The following NIPSNAP3A variants were observed in gnomAD, a reference collection of about 807,000 sequenced individuals.
NIPSNAP3A encodes protein NipSnap homolog 3A.
Under a neutral mutation model 32.3 loss-of-function variants are expected in NIPSNAP3A, and 27 were observed. The ratio of observed to expected loss-of-function variants is 0.84; its 90% CI spans 0.62 to 1.15. NIPSNAP3A has a LOEUF of 1.15. NIPSNAP3A is among the 50% of genes most tolerant of loss of function. NIPSNAP3A has a pLI of 0.00. For missense variants in NIPSNAP3A, 278 were observed against 297.2 expected, an observed-to-expected ratio of 0.94 and a Z score of 0.48; for synonymous variants, 108 against 107.3, an observed-to-expected ratio of 1.01 and a Z score of -0.04.
At chr9:104,751,277 GATAC>G in intron 2 of NIPSNAP3A, 111 bp downstream of exon 2, 1 of 965,398 alleles carries the variant, frequency 1.0e-6, no homozygotes, top group Non-Finnish European at 1.7e-6. Flanking sequence ...TATTATTTTA[GATAC>G]ATACAGGTTA....
chr9:104,754,370 G>T, intron 3 of NIPSNAP3A, 181 bp from the exon 4 acceptor site: 1 of 570,406 alleles, frequency 1.8e-6, no homozygotes, highest in South Asian at 2.3e-5. Flanking sequence ...CTTAAACATG[G>T]GCAAGGACTT....
chr9:104,759,517 T>C lies in NIPSNAP3A; in HGVS notation c.*179T>C, dbSNP rs1162555884. ...TGTAAGTACCACTTCAAAAAATAGT[T>C]CTGTTTACTTTCTGCATGGTATTTC... On this transcript the variant is annotated 3_prime_UTR_variant, in exon 6 of 6. Transcript: ENST00000374767. 1.3e-5 allele frequency: 8 copies of C among 613,148 alleles called. No individual in the cohort carries two copies. Among genetic ancestry groups the C allele is most frequent in the Non-Finnish European group, 2.9e-6 (1 of 350,764 alleles). The allele number at this position is 613,148 out of a possible 1,614,324, so 38.0% of individuals were successfully genotyped here. A position where few individuals can be genotyped will look rare whatever the true frequency, so the allele number is the denominator to read the frequency against.
rs1827789595 is a variant in NIPSNAP3A, at chr9:104,747,736, C to T, written c.-57C>T. On this transcript the variant is annotated 5_prime_UTR_variant, in exon 1 of 6. Transcript: ENST00000374767. ...CGCTCCTTTCCACTCGGGAAACCTT[C>T]AGAGGAGTCTCAGAAAGGACACGGC... The T allele has an allele frequency of 6.5e-7, 1 of 1,533,912 alleles. No individual in the cohort carries two copies. Among genetic ancestry groups the T allele is most frequent in the South Asian group, 1.2e-5 (1 of 85,624 alleles).
At chr9:104,754,529 A>G in intron 3 of NIPSNAP3A, 22 bp from the exon 4 acceptor site, 1 of 1,611,586 alleles carries the variant, frequency 6.2e-7, no homozygotes, top group Non-Finnish European at 8.5e-7. Context: ...TTTCTGAAAA[A>G]TTCTTTTTCT....
chr9:104,758,688 G>A (rs1240922866), intron 4 of NIPSNAP3A, among the ~76,000 whole-genome samples: 9 of 151,680 alleles, frequency 5.9e-5, no homozygotes, highest in African/African-American at 1.2e-4. Context: ...GGCCAAGCGC[G>A]GTGGCTCACG....
In NIPSNAP3A at chr9:104,759,446, GT is replaced by G; in HGVS notation, c.*110del. On this transcript the variant is annotated 3_prime_UTR_variant, in exon 6 of 6. Transcript: ENST00000374767. ...CACTTTTATTTGAAGGAGGTGTTAAGTTAATTTGCTATGTTTCTTGCATTAT... is the reference window on the plus strand; with the variant it reads ...CACTTTTATTTGAAGGAGGTGTTAAGTAATTTGCTATGTTTCTTGCATTAT... 1 of 1,038,690 alleles carries G rather than the reference GT, an allele frequency of 9.6e-7. No homozygotes were observed. The highest frequency in any genetic ancestry group is 2.5e-5 in the East Asian group (1 of 39,298). 64.3% of individuals were successfully genotyped at this position (1,038,690 alleles called of 1,614,324 possible).
intron 4 of NIPSNAP3A, among the ~76,000 whole-genome samples, chr9:104,758,401 A>G (rs1281616294): frequency 6.6e-6 from 1 of 152,194 alleles, no homozygotes; most frequent in Non-Finnish European, 1.5e-5. Context: ...TAAAATTTTA[A>G]TAATAAGCAC....
intron 1 of NIPSNAP3A, among the ~76,000 whole-genome samples, chr9:104,749,029 C>T (rs1827814803): frequency 6.6e-6 from 1 of 152,182 alleles, no homozygotes; most frequent in South Asian, 2.1e-4. Context: ...GTCCACATCT[C>T]TCTCCCTCTC....
chr9:104,756,607 A>G (rs747866556), intron 4 of NIPSNAP3A, among the ~76,000 whole-genome samples: 1 of 151,900 alleles, frequency 6.6e-6, no homozygotes, highest in Non-Finnish European at 1.5e-5. Flanking sequence ...TGTAGGGTTC[A>G]TATTAGCTTA....
chr9:104,749,229 CT>C (rs1187977172), intron 1 of NIPSNAP3A, among the ~76,000 whole-genome samples: 1 of 152,178 alleles, frequency 6.6e-6, no homozygotes, highest in Non-Finnish European at 1.5e-5. Context: ...ATACTAGGCA[CT>C]TGCTTCTTGA....
Position 104,751,059 on chromosome 9 carries a change from AT to A in NIPSNAP3A, c.168del (p.Phe56LeufsTer20). On this transcript the variant is annotated frameshift_variant, in exon 2 of 6. Coordinates refer to ENST00000374767, the MANE Select transcript of NIPSNAP3A (RefSeq NM_015469.3). LOFTEE classifies it high-confidence loss of function. The stretch of plus-strand genomic sequence containing the variant: ...TCAAAGATGAATGAGTTCCTGGAAA[AT>A]TTTGAGAAAAACGCTCATCTTCGGA... ...KPSKMNEFLE[N>X]FEKNAHLRTA... 1 of 1,614,050 alleles carries A rather than the reference AT, an allele frequency of 6.2e-7. No homozygotes were observed. Among genetic ancestry groups the A allele is most frequent in the Non-Finnish European group, 8.5e-7 (1 of 1,179,956 alleles).
chr9:104,759,189 G>A lies in NIPSNAP3A; in HGVS notation c.667+18G>A. On this transcript the variant is annotated intron_variant, in intron 5 of 5. Coordinates refer to ENST00000374767, the MANE Select transcript of NIPSNAP3A (RefSeq NM_015469.3). Reference sequence around the variant, plus strand: ...GGCAGCTGGTAAGCTGTTTGACTAGGCATGAATTATTTTTAGAACAAATGT... The same window carrying A: ...GGCAGCTGGTAAGCTGTTTGACTAGACATGAATTATTTTTAGAACAAATGT... 3.1e-6 allele frequency: 5 copies of A among 1,613,784 alleles called. No homozygotes were observed. The highest frequency in any genetic ancestry group is 4.2e-6 in the Non-Finnish European group (5 of 1,179,806).
At chr9:104,754,319 T>A in intron 3 of NIPSNAP3A, 1 of 411,844 alleles carries the variant, frequency 2.4e-6, no homozygotes, top group Non-Finnish European at 4.3e-6. Flanking sequence ...CTTCCAGTTC[T>A]TTTTCTTTGT....
intron 1 of NIPSNAP3A, among the ~76,000 whole-genome samples, chr9:104,748,104 G>C (rs761814930): frequency 9.2e-5 from 14 of 151,712 alleles, no homozygotes; most frequent in Non-Finnish European, 2.1e-4. Flanking sequence ...TGGTCAGAAG[G>C]CTTTTCTAGC....
At position 104,747,971 on chromosome 9, in the gene NIPSNAP3A, G is replaced by C. The variant is rs974124042; in HGVS notation, c.60+119G>C. ...CTCTCCGCCACGCGCGCCCAGACCT[G>C]GGGCCCCGGTGAGGTTCTAGCGTGA... is the stretch of plus-strand genomic sequence containing the variant. On this transcript the variant is annotated intron_variant, in intron 1 of 5. Transcript: ENST00000374767. The C allele has an allele frequency of 3.0e-4, 289 of 952,440 alleles. 3 individuals carry two copies. The highest frequency in any genetic ancestry group is 3.3e-4 in the Non-Finnish European group (219 of 658,068). The allele number at this position is 952,440 out of a possible 1,614,324, so 59.0% of individuals were successfully genotyped here.
chr9:104,758,805 C>CA (rs768554060), intron 4 of NIPSNAP3A, among the ~76,000 whole-genome samples: 7,500 of 117,018 alleles, frequency 0.064, 229 homozygotes, highest in Non-Finnish European at 0.086. Flanking sequence ...ACTAAAAATA[C>CA]AAAAAAAAAA....
chr9:104,754,617 A>T lies in NIPSNAP3A; in HGVS notation c.497A>T (p.Lys166Ile). The T allele has an allele frequency of 6.2e-7, 1 of 1,614,112 alleles. No individual in the cohort carries two copies. The highest frequency in any genetic ancestry group is 8.5e-7 in the Non-Finnish European group (1 of 1,179,966). The part of the protein sequence containing the change: ...GGPALWGDAF[K>I]RAVHAHVNLG... Reference sequence around the variant, plus strand: ...CCAGCTCTGTGGGGTGATGCATTTAAAAGGGCAGTTCATGCTCATGTCAAT... The same window carrying T: ...CCAGCTCTGTGGGGTGATGCATTTATAAGGGCAGTTCATGCTCATGTCAAT... Residue 166 changes from lysine to isoleucine, a missense_variant, in exon 4 of 6, where the codon AAA becomes ATA. Lys to Ile is a moderately radical substitution (Grantham distance 102, BLOSUM62 -3). Coordinates refer to ENST00000374767, the MANE Select transcript of NIPSNAP3A (RefSeq NM_015469.3).
At chr9:104,755,889 A>T (rs1827900682) in intron 4 of NIPSNAP3A, among the ~76,000 whole-genome samples, 1 of 152,032 alleles carries the variant, frequency 6.6e-6, no homozygotes, top group Non-Finnish European at 1.5e-5. Context: ...CTGCACTCCA[A>T]CCCCTGAACG....
chr9:104,753,162 ATTCT>A, intron 3 of NIPSNAP3A, 98 bp downstream of exon 3: 1 of 998,786 alleles, frequency 1.0e-6, no homozygotes, highest in Non-Finnish European at 1.5e-6. Flanking sequence ...AATAAAATTA[ATTCT>A]TTGTTTTATA....
Sources: gnomAD v4.1 joint callset for allele counts (sites outside exome capture counted in the v4.1 genomes callset) on GRCh38, gnomAD v4.1.1 for gene constraint, MANE v1.5 for transcripts, NCBI Gene and HGNC (gene_info 2026-07-23, HGNC 2026-07-21) for gene names.